HAGH: variants seen among roughly 807,000 people sequenced by gnomAD.
The protein encoded by HAGH is hydroxyacylglutathione hydrolase, also known as hydroxyacylglutathione hydrolase, mitochondrial.
In HAGH, 29 loss-of-function variants were observed where a neutral mutation model predicts 35.1. The ratio of observed to expected loss-of-function variants is 0.83; its 90% CI spans 0.62 to 1.13. The LOEUF is 1.13. Among genes scored for constraint, HAGH ranks in the 50% most tolerant of loss-of-function variants. HAGH has a pLI of 0.00. For synonymous variants in HAGH, 225 were observed against 176.1 expected (o/e 1.28, Z -2.20); for missense variants, 478 against 419.6 (o/e 1.14, Z -1.22).
intron 7 of HAGH, among the ~76,000 whole-genome samples, chr16:1,813,933 C>G (rs964763884): frequency 1.3e-5 from 2 of 152,166 alleles, no homozygotes; most frequent in African/African-American, 4.8e-5. Context: ...GGTGCCAAGG[C>G]AATCCAGGGA....
chr16:1,822,424 C>T, intron 2 of HAGH, 60 bp from the exon 3 acceptor site: 1 of 1,305,598 alleles, frequency 7.7e-7, no homozygotes, highest in East Asian at 2.3e-5. Flanking sequence ...GCTTGCTGGC[C>T]TATATGGTAG....
intron 7 of HAGH, 55 bp downstream of exon 7, chr16:1,816,838 A>T (rs1446917336): frequency 2.3e-5 from 26 of 1,107,152 alleles, no homozygotes; most frequent in African/African-American, 4.6e-5. Context: ...CCCGCTGTGC[A>T]CAGCGGCCCT....
At chr16:1,823,458 C>CG (rs1161536211) in intron 1 of HAGH, among the ~76,000 whole-genome samples, 5 of 151,706 alleles carry the variant, frequency 3.3e-5, no homozygotes, top group South Asian at 2.1e-4. Context: ...TTAGTAGAGA[C>CG]GGGTTTCATG....
In HAGH at chr16:1,819,990, T is replaced by C. The variant is rs529288333; in HGVS notation, c.339A>G (p.Lys113=). The C allele has an allele frequency of 9.3e-6, 15 of 1,612,984 alleles. No homozygotes were observed. The South Asian group carries it at 1.3e-4, about 14-fold the overall frequency. The part of the protein sequence containing the change: ...HHWDHAGGNE[K]LVKLESGLKV... ...TCAGTCCCGACTCCAGCTTGACCAG[T>C]TTCTCATTCCCGCCAGCATGGTCCC... The change falls in exon 4 of 9, where the codon AAA becomes AAG. Residue 113 remains lysine, a synonymous_variant. Transcript: ENST00000397356.
chr16:1,813,732 A>C (rs1488772561), intron 7 of HAGH, among the ~76,000 whole-genome samples: 1 of 152,226 alleles, frequency 6.6e-6, no homozygotes, highest in Non-Finnish European at 1.5e-5. Context: ...GAAATGTAAA[A>C]GGCTTAAAAC....
chr16:1,811,023 A>G (rs1389151241), intron 7 of HAGH: 1 of 152,268 alleles, frequency 6.6e-6, no homozygotes, highest in Non-Finnish European at 1.5e-5. Flanking sequence ...AAAACAGAGG[A>G]AGTACAAATT....
intron 7 of HAGH, among the ~76,000 whole-genome samples, chr16:1,814,938 C>T (rs967320912): frequency 7.1e-6 from 1 of 141,504 alleles, no homozygotes; most frequent in African/African-American, 2.8e-5. Context: ...TATACACACA[C>T]ACACACACAC....
intron 1 of HAGH, 170 bp downstream of exon 1, chr16:1,826,542 C>A: frequency 1.4e-6 from 1 of 714,480 alleles, no homozygotes; most frequent in Non-Finnish European, 1.7e-6. Flanking sequence ...CGCGCCCGCT[C>A]CGCGCCAGCC....
rs756009466 is a variant in HAGH at position 1,809,746 on chromosome 16, G to C, written c.827+8C>G. The C allele has an allele frequency of 6.2e-7, 1 of 1,603,466 alleles. No homozygotes were observed. The highest frequency in any genetic ancestry group is 1.1e-5 in the South Asian group (1 of 90,906). On this transcript the variant is annotated splice_region_variant and intron_variant, in intron 8 of 8. Coordinates refer to ENST00000397356, the MANE Select transcript of HAGH (RefSeq NM_005326.6). ...GGGCCCGCGCCCACCACCTGCCCTG[G>C]GCCTCACCTCACTCTCATGAAGGGG... is the stretch of plus-strand genomic sequence containing the variant.
chr16:1,819,179 A>C lies in HAGH; in HGVS notation c.477T>G (p.Thr159=), dbSNP rs1898036365. ...TCACGAAGTAACAAATGTGTCCTGA[A>C]GTGTGGCACGGGGTCGCCAGGCACT... The part of the protein sequence containing the change: ...NVKCLATPCH[T]SGHICYFVSK... The change falls in exon 5 of 9, where the codon ACT becomes ACG. Residue 159 remains threonine, a synonymous_variant. Transcript: ENST00000397356. The C allele has an allele frequency of 6.2e-7, 1 of 1,613,168 alleles. No individual in the cohort carries two copies. The highest frequency in any genetic ancestry group is 8.5e-7 in the Non-Finnish European group (1 of 1,179,798).
In HAGH at chr16:1,819,278, C is replaced by G. The variant is rs1898041705; in HGVS notation, c.433-55G>C. 3.3e-6 allele frequency: 4 copies of G among 1,202,942 alleles called. No homozygotes were observed. The South Asian group carries it at 5.3e-5, about 16-fold the overall frequency. 74.5% of individuals were successfully genotyped at this position (1,202,942 alleles called of 1,614,324 possible). Reference sequence around the variant, plus strand: ...CCCAGACACCCTGGAGAGCCATCTCCCGGGGTCACGGCGCGCCGCCTGGGC... The same window carrying G: ...CCCAGACACCCTGGAGAGCCATCTCGCGGGGTCACGGCGCGCCGCCTGGGC... On this transcript the variant is annotated intron_variant, in intron 4 of 8. Coordinates refer to ENST00000397356, the MANE Select transcript of HAGH (RefSeq NM_005326.6).
At chr16:1,822,057 G>A in intron 3 of HAGH, 2 of 523,378 alleles carry the variant, frequency 3.8e-6, no homozygotes, top group Non-Finnish European at 6.9e-6. Context: ...GAGAGCCGGG[G>A]GGTGGGGCCT....
chr16:1,812,697 G>C (rs1897713479), intron 7 of HAGH, among the ~76,000 whole-genome samples: 1 of 152,142 alleles, frequency 6.6e-6, no homozygotes, highest in Non-Finnish European at 1.5e-5. Context: ...TCTTAGATGG[G>C]AGACAAAAAA....
At chr16:1,818,175 G>A (rs559090318) in intron 5 of HAGH, among the ~76,000 whole-genome samples, 41 of 152,224 alleles carry the variant, frequency 2.7e-4, no homozygotes, top group South Asian at 8.3e-4. Flanking sequence ...CTGTCCTTGC[G>A]CCAGGCACAC....
At position 1,817,021 on chromosome 16, in the gene HAGH, C is replaced by T. The variant is rs200889582; in HGVS notation, c.646-27G>A. On this transcript the variant is annotated intron_variant, in intron 6 of 8. Transcript: ENST00000397356. The stretch of plus-strand genomic sequence containing the variant: ...TGAGGAGAGAGGTGACAGGTGAGCT[C>T]GGAAGGCTGTTACCACCTGTGAAAG... 2.5e-4 allele frequency: 386 copies of T among 1,524,970 alleles called. No homozygotes were observed. The African/African-American group carries it at 4.1e-3, about 16-fold the overall frequency. 94.5% of individuals were successfully genotyped at this position (1,524,970 alleles called of 1,614,324 possible).
chr16:1,820,659 A>T (rs1330443643), intron 3 of HAGH, among the ~76,000 whole-genome samples: 1 of 152,118 alleles, frequency 6.6e-6, no homozygotes, highest in Admixed American at 6.5e-5. Flanking sequence ...GGGGCGGTTG[A>T]AGGGGCCCTT....
intron 5 of HAGH, 143 bp downstream of exon 5, chr16:1,818,972 A>G: frequency 3.3e-6 from 2 of 615,378 alleles, no homozygotes; most frequent in Non-Finnish European, 5.9e-6. Context: ...CAGCCCCACC[A>G]TGAGGCTCCC....
At chr16:1,816,573 C>T (rs1393292140) in intron 7 of HAGH, among the ~76,000 whole-genome samples, 2 of 152,224 alleles carry the variant, frequency 1.3e-5, no homozygotes, top group Admixed American at 1.3e-4. Context: ...GTCCTTTGGA[C>T]ACAGAGCCAC....
chr16:1,819,836 C>G, intron 4 of HAGH, 61 bp downstream of exon 4: 6 of 1,010,522 alleles, frequency 5.9e-6, no homozygotes, highest in Non-Finnish European at 9.5e-6. Context: ...CGGGGAGGGA[C>G]CCCCCTCCCC....
Sources: gnomAD v4.1 joint callset for allele counts (sites outside exome capture counted in the v4.1 genomes callset) on GRCh38, gnomAD v4.1.1 for gene constraint, MANE v1.5 for transcripts, NCBI Gene and HGNC (gene_info 2026-07-23, HGNC 2026-07-21) for gene names.